PIP5K1B: variants seen among roughly 807,000 people sequenced by gnomAD.
The protein encoded by PIP5K1B is phosphatidylinositol-4-phosphate 5-kinase type 1 beta.
Under a neutral mutation model 67.0 loss-of-function variants are expected in PIP5K1B, and 42 were observed. The observed-to-expected ratio is 0.63, with a 90% CI of 0.49 to 0.81. The LOEUF (loss-of-function observed/expected upper bound fraction) is 0.81, where lower values mean the gene tolerates loss of function less well. PIP5K1B is among the 30% of genes least tolerant of loss of function. The pLI is 0.00. For synonymous variants in PIP5K1B, 214 were observed against 231.4 expected (o/e 0.92, Z 0.68); for missense variants, 459 against 646.3 (o/e 0.71, Z 3.14).
At chr9:68,915,892 T>G (rs1826066846) in intron 8 of PIP5K1B, among the ~76,000 whole-genome samples, 1 of 152,226 alleles carries the variant, frequency 6.6e-6, no homozygotes, top group South Asian at 2.1e-4. Flanking sequence ...ACCTATTTCT[T>G]GAAGGCCATA....
chr9:68,856,072 C>T (rs1029658318), intron 4 of PIP5K1B, among the ~76,000 whole-genome samples: 24 of 152,102 alleles, frequency 1.6e-4, no homozygotes, highest in Admixed American at 1.6e-3. Flanking sequence ...CGCTAAGTAG[C>T]AGCCAGAGTG....
At chr9:68,780,560 C>T (rs202190176) in intron 2 of PIP5K1B, 5 of 1,614,234 alleles carry the variant, frequency 3.1e-6, no homozygotes, top group South Asian at 1.1e-5. Context: ...AGAAATCCGC[C>T]TCCCCCAAGC....
chr9:68,797,158 AGTTGCTCTTGGCGTGGTAC>A (rs1305759466), intron 2 of PIP5K1B, among the ~76,000 whole-genome samples: 1 of 152,182 alleles, frequency 6.6e-6, no homozygotes, highest in African/African-American at 2.4e-5. Context: ...CAAGTCCTTA[AGTTGCTCTTGGCGTGGTAC>A]ACACATATAT....
At chr9:68,917,467 A>G in intron 8 of PIP5K1B, 81 bp from the exon 9 acceptor site, 1 of 980,664 alleles carries the variant, frequency 1.0e-6, no homozygotes, top group Non-Finnish European at 1.6e-6. Flanking sequence ...GTGTCTGTAT[A>G]TCTAGAGCTC....
At chr9:68,738,581 A>G (rs1828854688) in intron 1 of PIP5K1B, among the ~76,000 whole-genome samples, 1 of 152,186 alleles carries the variant, frequency 6.6e-6, no homozygotes, top group African/African-American at 2.4e-5. Context: ...GCTGGAGATG[A>G]CAAGGGGTGG....
At chr9:68,849,790 T>C (rs1440739970) in intron 4 of PIP5K1B, among the ~76,000 whole-genome samples, 1 of 152,202 alleles carries the variant, frequency 6.6e-6, no homozygotes, top group African/African-American at 2.4e-5. Flanking sequence ...GAAGGGCACA[T>C]TGGTGTTTTA....
chr9:68,938,205 G>T (rs771011118), intron 13 of PIP5K1B, among the ~76,000 whole-genome samples: 1 of 152,160 alleles, frequency 6.6e-6, no homozygotes. Flanking sequence ...GGGTGCTAAA[G>T]TCTCCTGCTA....
intron 8 of PIP5K1B, among the ~76,000 whole-genome samples, chr9:68,896,262 G>A (rs1011568722): frequency 1.1e-4 from 17 of 151,418 alleles, no homozygotes; most frequent in African/African-American, 4.1e-4. Flanking sequence ...CCAGTTTTAA[G>A]TTTGCTTTCT....
At chr9:68,948,700 T>G (rs1208678226) in intron 14 of PIP5K1B, among the ~76,000 whole-genome samples, 1 of 102,356 alleles carries the variant, frequency 9.8e-6, no homozygotes, top group African/African-American at 3.3e-5. Flanking sequence ...GTTTAGTTTT[T>G]CCTCCCCACC....
intron 3 of PIP5K1B, among the ~76,000 whole-genome samples, chr9:68,819,570 A>G (rs56994943): frequency 0.057 from 8,632 of 152,218 alleles, 479 homozygotes; most frequent in African/African-American, 0.14. Context: ...ACAATGCCCA[A>G]CGTAATTATA....
At chr9:68,789,588 A>T (rs1831842692) in intron 2 of PIP5K1B, 3 of 467,674 alleles carry the variant, frequency 6.4e-6, no homozygotes, top group Non-Finnish European at 1.3e-5. Flanking sequence ...GTATTCACAA[A>T]CAGAACAGTG....
intron 1 of PIP5K1B, among the ~76,000 whole-genome samples, chr9:68,723,183 A>T (rs532388666): frequency 0.015 from 1,721 of 111,190 alleles, 20 homozygotes; most frequent in Admixed American, 0.034. Flanking sequence ...TGTGTGTGAG[A>T]GAGAGAGAGA....
intron 14 of PIP5K1B, among the ~76,000 whole-genome samples, chr9:68,949,600 A>T (rs1355147788): frequency 1.1e-4 from 17 of 152,250 alleles, no homozygotes; most frequent in Admixed American, 4.6e-4. Flanking sequence ...TTCCTTTCTC[A>T]TACTTCAGAC....
chr9:68,905,290 C>T (rs1213747213), intron 8 of PIP5K1B, among the ~76,000 whole-genome samples: 1 of 152,072 alleles, frequency 6.6e-6, no homozygotes, highest in African/African-American at 2.4e-5. Flanking sequence ...CCACACGGGG[C>T]CTGATGGTAG....
intron 4 of PIP5K1B, among the ~76,000 whole-genome samples, chr9:68,831,457 T>C (rs1834315446): frequency 1.3e-5 from 2 of 152,176 alleles, no homozygotes; most frequent in Non-Finnish European, 2.9e-5. Flanking sequence ...CTCCAGGGCA[T>C]AAAGCAAGTA....
intron 2 of PIP5K1B, among the ~76,000 whole-genome samples, chr9:68,769,153 A>G (rs1468221273): frequency 6.6e-6 from 1 of 152,214 alleles, no homozygotes; most frequent in Non-Finnish European, 1.5e-5. Flanking sequence ...TTGAGAGGCT[A>G]TCTTTGTGGG....
At chr9:68,814,697 G>A (rs144780696) in intron 2 of PIP5K1B, among the ~76,000 whole-genome samples, 1 of 152,102 alleles carries the variant, frequency 6.6e-6, no homozygotes, top group East Asian at 1.9e-4. Flanking sequence ...GCGTGCACCG[G>A]TAATCCCAGC....
At chr9:68,882,639 A>C (rs919549688) in intron 6 of PIP5K1B, among the ~76,000 whole-genome samples, 4 of 152,150 alleles carry the variant, frequency 2.6e-5, no homozygotes, top group Non-Finnish European at 5.9e-5. Context: ...CTCAATTTGC[A>C]ACCTCTAATT....
chr9:68,968,609 T>G (rs1829164472), intron 14 of PIP5K1B, among the ~76,000 whole-genome samples: 1 of 152,046 alleles, frequency 6.6e-6, no homozygotes, highest in South Asian at 2.1e-4. Flanking sequence ...CATGCATTTC[T>G]AGCACATGAT....
Sources: allele counts gnomAD v4.1 joint callset (sites outside exome capture counted in the v4.1 genomes callset), GRCh38; gene constraint gnomAD v4.1.1; transcripts MANE v1.5; gene names NCBI Gene and HGNC (gene_info 2026-07-23, HGNC 2026-07-21).